The following STIM1 variants were observed in gnomAD, a reference collection of about 807,000 sequenced individuals.
The protein encoded by STIM1 is stromal interaction molecule 1.
A neutral mutation model predicts 74.7 loss-of-function variants in STIM1; 25 were observed. The ratio of observed to expected loss-of-function variants is 0.33; its 90% CI spans 0.24 to 0.47. The LOEUF (loss-of-function observed/expected upper bound fraction) is 0.47, where lower values mean the gene tolerates loss of function less well. STIM1 is among the 20% of genes least tolerant of loss of function. The pLI, the probability that STIM1 is intolerant of heterozygous loss-of-function variation, is 1.00. For synonymous variants in STIM1, 328 were observed against 348.8 expected (o/e 0.94, Z 0.66); for missense variants, 728 against 920.8 (o/e 0.79, Z 2.71).
intron 1 of STIM1, among the ~76,000 whole-genome samples, chr11:3,944,480 G>GGGATGGGA (rs1478588484): frequency 1.3e-5 from 2 of 152,276 alleles, no homozygotes; most frequent in Admixed American, 1.3e-4. Context: ...AGGGGGAAGT[G>GGGATGGGA]GGATGGGAGT....
At chr11:3,941,634 GAGAT>G (rs1471378767) in intron 1 of STIM1, among the ~76,000 whole-genome samples, 2 of 145,554 alleles carry the variant, frequency 1.4e-5, no homozygotes, top group African/African-American at 5.2e-5. Flanking sequence ...TATATATAGA[GAGAT>G]AGTGTGTGTG....
At chr11:3,895,703 T>TTTCC (rs2092094931) in intron 1 of STIM1, among the ~76,000 whole-genome samples, 4 of 32,926 alleles carry the variant, frequency 1.2e-4, no homozygotes, top group Non-Finnish European at 2.1e-4. Context: ...TCTTTCTTTC[T>TTTCC]TTCTTTCTTT....
intron 3 of STIM1, among the ~76,000 whole-genome samples, chr11:4,046,040 G>A (rs1019273143): frequency 5.7e-5 from 8 of 139,970 alleles, no homozygotes; most frequent in Non-Finnish European, 1.1e-4. Context: ...AAAGTGCTGG[G>A]ATTACAGGCG....
At chr11:4,065,295 T>G (rs1014717051) in intron 5 of STIM1, among the ~76,000 whole-genome samples, 5 of 152,164 alleles carry the variant, frequency 3.3e-5, no homozygotes, top group African/African-American at 1.2e-4. Flanking sequence ...GCAGGAGTGG[T>G]TGCTTTTCTG....
At chr11:3,895,079 A>T (rs2092019310) in intron 1 of STIM1, among the ~76,000 whole-genome samples, 1 of 152,134 alleles carries the variant, frequency 6.6e-6, no homozygotes, top group Non-Finnish European at 1.5e-5. Context: ...CAAGGGCAGG[A>T]ACCTCTTAGC....
chr11:3,996,634 A>C (rs1040451984), intron 2 of STIM1, among the ~76,000 whole-genome samples: 5 of 152,208 alleles, frequency 3.3e-5, no homozygotes, highest in African/African-American at 1.2e-4. Context: ...GGCAAGGTGG[A>C]GAACAGGTCT....
In STIM1 at chr11:4,091,519, C is replaced by T. The variant is rs201227472; in HGVS notation, c.1872C>T (p.Ala624=). The change falls in exon 13 of 13, where the codon GCC becomes GCT. Residue 624 remains alanine, a synonymous_variant. Transcript: ENST00000526596. ...CGCTGAACCATGGGCTGGACAAGGC[C>T]CACAGCCTGATGGAGCTGAGCCCCT... ...LLALNHGLDK[A]HSLMELSPSA... is the part of the protein sequence containing the mutation. The T allele has an allele frequency of 9.9e-6, 16 of 1,614,062 alleles. No individual in the cohort carries two copies. The highest frequency in any genetic ancestry group is 1.3e-5 in the Non-Finnish European group (15 of 1,180,036).
chr11:3,915,122 G>C (rs908750250), intron 1 of STIM1, among the ~76,000 whole-genome samples: 5 of 151,868 alleles, frequency 3.3e-5, no homozygotes, highest in Admixed American at 2.6e-4. Context: ...TTTTGTTGTT[G>C]AGTTATGAAA....
At chr11:3,886,147 C>G (rs1326325572) in intron 1 of STIM1, among the ~76,000 whole-genome samples, 1 of 152,170 alleles carries the variant, frequency 6.6e-6, no homozygotes, top group Non-Finnish European at 1.5e-5. Flanking sequence ...TTGAATATCA[C>G]ACATTATAGG....
chr11:4,082,390 T>G (rs768068653), intron 8 of STIM1, 39 bp downstream of exon 8: 2 of 1,571,706 alleles, frequency 1.3e-6, no homozygotes, highest in African/African-American at 2.7e-5. Flanking sequence ...TTCTCCTTTT[T>G]GCCCTTCTCC....
chr11:4,076,485 CAAAAAAAAAAAAAA>C (rs58804386), intron 7 of STIM1, among the ~76,000 whole-genome samples: 2 of 40,758 alleles, frequency 4.9e-5, no homozygotes, highest in Admixed American at 4.4e-4. Flanking sequence ...GACTCCATCT[CAAAAAAAAAAAAAA>C]AAAAAAAAAA....
intron 2 of STIM1, chr11:3,974,048 G>T (rs560326403): frequency 2.9e-6 from 2 of 700,352 alleles, no homozygotes; most frequent in East Asian, 5.3e-5. Context: ...CTCCTCCACA[G>T]TGGCATATGT....
chr11:4,023,951 G>A lies in STIM1; in HGVS notation c.349G>A (p.Val117Met), dbSNP rs759378488. 7.4e-6 allele frequency: 12 copies of A among 1,614,114 alleles called. No individual in the cohort carries two copies. The highest frequency in any genetic ancestry group is 1.1e-5 in the South Asian group (1 of 91,084). ...CCATGGTGAGGATAAGCTCATCAGCGTGGAGGACCTGTGGAAGGCATGGAA... is the reference window on the plus strand; with the variant it reads ...CCATGGTGAGGATAAGCTCATCAGCATGGAGGACCTGTGGAAGGCATGGAA... ...TFHGEDKLIS[V>M]EDLWKAWKSS... The change falls in exon 3 of 13, where the codon GTG (valine) becomes ATG (methionine). Residue 117 changes from valine to methionine, a missense_variant. By Grantham distance (21) the Val-to-Met change is conservative. Around this residue, in one of 5 missense-constraint regions of STIM1, gnomAD observed 51 missense variants for 101.1 expected, o/e 0.50. Coordinates refer to ENST00000526596, the MANE Select transcript of STIM1 (RefSeq NM_001382567.1).
chr11:4,084,761 C>T lies in STIM1; in HGVS notation c.1563C>T (p.Tyr521=). The part of the protein sequence containing the change: ...AGSDDQSLWK[Y]PAPSLQSSVR... Reference sequence around the variant, plus strand: ...CGGATGATCAGTCCCTCTGGAAATACCCCGGTTTGAGGAGCCCCTTTGGGG... The same window carrying T: ...CGGATGATCAGTCCCTCTGGAAATATCCCGGTTTGAGGAGCCCCTTTGGGG... The change falls in exon 11 of 13, where the codon TAC becomes TAT. Residue 521 remains tyrosine, a synonymous_variant. Transcript: ENST00000526596. 3.1e-6 allele frequency: 4 copies of T among 1,289,380 alleles called. No homozygotes were observed. The South Asian group carries it at 3.7e-5, about 12-fold the overall frequency. The allele number at this position is 1,289,380 out of a possible 1,614,324, so 79.9% of individuals were successfully genotyped here.
intron 2 of STIM1, among the ~76,000 whole-genome samples, chr11:4,008,265 A>G (rs2093802236): frequency 6.6e-6 from 1 of 152,192 alleles, no homozygotes; most frequent in African/African-American, 2.4e-5. Context: ...GCTATTTCAT[A>G]TAACCTAGGT....
At chr11:4,051,274 A>G (rs2094238269) in intron 3 of STIM1, among the ~76,000 whole-genome samples, 1 of 152,154 alleles carries the variant, frequency 6.6e-6, no homozygotes, top group Non-Finnish European at 1.5e-5. Flanking sequence ...TACAGAATAA[A>G]CTTTTGCTTT....
intron 5 of STIM1, among the ~76,000 whole-genome samples, chr11:4,063,170 T>C (rs1470237893): frequency 1.3e-5 from 2 of 152,188 alleles, no homozygotes; most frequent in Non-Finnish European, 2.9e-5. Context: ...TTTGGGGTAA[T>C]GATAATATTC....
intron 1 of STIM1, among the ~76,000 whole-genome samples, chr11:3,919,771 A>T (rs951339151): frequency 6.6e-6 from 1 of 152,090 alleles, no homozygotes; most frequent in Admixed American, 6.5e-5. Context: ...TCGATTTTTT[A>T]AAAAATTGAA....
At chr11:3,903,784 G>A (rs1590548638) in intron 1 of STIM1, among the ~76,000 whole-genome samples, 1 of 152,238 alleles carries the variant, frequency 6.6e-6, no homozygotes, top group South Asian at 2.1e-4. Flanking sequence ...AAGTGGGTTG[G>A]GGTGCAGAGA....
Sources: allele counts gnomAD v4.1 joint callset (sites outside exome capture counted in the v4.1 genomes callset), GRCh38; gene constraint gnomAD v4.1.1; regional missense constraint gnomAD v4.1.1; transcripts MANE v1.5; gene names NCBI Gene and HGNC (gene_info 2026-07-23, HGNC 2026-07-21).